Variants in IL15RA observed in about 807,000 individuals in gnomAD.
IL15RA encodes the protein interleukin 15 receptor subunit alpha, also known as interleukin-15 receptor subunit alpha.
IL15RA carries 26 observed loss-of-function variants against 24.2 expected under a neutral mutation model. That is an observed-to-expected ratio of 1.07 (90% CI 0.79 to 1.49). The LOEUF (loss-of-function observed/expected upper bound fraction) is 1.49, where lower values mean the gene tolerates loss of function less well. Among genes scored for constraint, IL15RA ranks in the 40% most tolerant of loss-of-function variants. The pLI, the probability that IL15RA is intolerant of heterozygous loss-of-function variation, is 0.00. For missense variants in IL15RA, 354 were observed against 356.4 expected (o/e 0.99, Z 0.05); for synonymous variants, 166 against 157.6 (o/e 1.05, Z -0.40).
Position 5,966,051 on chromosome 10 carries a change from C to T in IL15RA, c.283+94G>A. 2 of 904,716 alleles carry T rather than the reference C, an allele frequency of 2.2e-6. No homozygotes were observed. The highest frequency in any genetic ancestry group is 3.5e-6 in the Non-Finnish European group (2 of 576,122). 56.0% of individuals were successfully genotyped at this position (904,716 alleles called of 1,614,324 possible). ...TGGTGTGTTTAGCCTCAGACCTCAG[C>T]ACAGATCCCTTGACCCCTGAGATGG... is the stretch of plus-strand genomic sequence containing the variant. On this transcript the variant is annotated intron_variant, in intron 2 of 6. Transcript: ENST00000379977. This position sits in a 1 kb window ranked among gnomAD's most constrained non-coding sequence, Gnocchi z 6.4.
intron 1 of IL15RA, among the ~76,000 whole-genome samples, chr10:5,972,914 T>C (rs970737013): frequency 2.6e-5 from 4 of 152,118 alleles, no homozygotes; most frequent in African/African-American, 7.2e-5. Context: ...ATAAAAGGTT[T>C]GGGAAAAGAC....
chr10:5,963,029 G>A lies in IL15RA; in HGVS notation c.382+714C>T, dbSNP rs559175340. ...AATAGAGCAGTCACTGGGATGTGCT[G>A]GTGTTTAGGTCTGGTGGGGGCAGCT... On this transcript the variant is annotated intron_variant, in intron 3 of 6. Transcript: ENST00000379977. This position sits in a 1 kb window ranked among gnomAD's most constrained non-coding sequence, Gnocchi z 5.3. 6.6e-6 allele frequency among the ~76,000 whole-genome samples: 1 copy of A among 152,312 alleles called. No individual in the cohort carries two copies. The highest frequency in any genetic ancestry group is 2.4e-5 in the African/African-American group (1 of 41,566).
rs1737096750 is a variant in IL15RA at position 5,965,436 on chromosome 10, C to T, written c.283+709G>A. On this transcript the variant is annotated intron_variant, in intron 2 of 6. Transcript: ENST00000379977. The surrounding 1 kb of genome is among the most constrained non-coding windows in gnomAD (Gnocchi z 5.8). ...AGCGTGCTCATGAGTGCCCGCCCAG[C>T]TCTGCAGCCAAATTCTCCTGCCAGC... Among the ~76,000 whole-genome samples, 1 of 152,246 alleles carries T rather than the reference C, an allele frequency of 6.6e-6. No individual in the cohort carries two copies.
chr10:5,952,969 G>C lies in IL15RA; in HGVS notation c.*126C>G, dbSNP rs1468203184. The C allele has an allele frequency of 1.4e-6, 1 of 725,678 alleles. No homozygotes were observed. Among genetic ancestry groups the C allele is most frequent in the East Asian group, 2.5e-5 (1 of 40,354 alleles). 45.0% of individuals were successfully genotyped at this position (725,678 alleles called of 1,614,324 possible). A position where few individuals can be genotyped will look rare whatever the true frequency, so the allele number is the denominator to read the frequency against. On this transcript the variant is annotated 3_prime_UTR_variant, in exon 7 of 7. Coordinates refer to ENST00000379977, the MANE Select transcript of IL15RA (RefSeq NM_002189.4). ...CCCGGCAGTCCGTGAGATCCTGCTG[G>C]GACTTCTGAGAGGCCTGGTGAGCTT...
In IL15RA at chr10:5,977,530, C is replaced by G; in HGVS notation, c.-38G>C. ...ACAGGACACCGCTGGACTCCCCGGG[C>G]GAGCGCTGCCCAGGCCGGGGGGAGG... On this transcript the variant is annotated 5_prime_UTR_variant, in exon 1 of 7. Transcript: ENST00000379977. The G allele has an allele frequency of 1.5e-6, 2 of 1,306,624 alleles. No individual in the cohort carries two copies. The highest frequency in any genetic ancestry group is 1.9e-6 in the Non-Finnish European group (2 of 1,027,752). 80.9% of individuals were successfully genotyped at this position (1,306,624 alleles called of 1,614,324 possible).
downstream of IL15RA, among the ~76,000 whole-genome samples, chr10:5,950,416 A>G (rs1188536207): frequency 6.6e-6 from 1 of 152,196 alleles, no homozygotes; most frequent in Non-Finnish European, 1.5e-5. This position sits in a 1 kb window ranked among gnomAD's most constrained non-coding sequence, Gnocchi z 5.6. Flanking sequence ...ATAAAAATAA[A>G]AAAGGACGGA....
downstream of IL15RA, among the ~76,000 whole-genome samples, chr10:5,951,210 A>T (rs1833855289): frequency 6.8e-6 from 1 of 147,522 alleles, no homozygotes; most frequent in South Asian, 2.2e-4. Flanking sequence ...CTGTGCCTGT[A>T]GTCCCAGCTA....
At chr10:5,954,789 CAAATTCAGCATTTTATATTGG>C (rs1173725411) in intron 6 of IL15RA, among the ~76,000 whole-genome samples, 1 of 151,998 alleles carries the variant, frequency 6.6e-6, no homozygotes, top group Non-Finnish European at 1.5e-5. Context: ...AATATAACTC[CAAATTCAGCATTTTATATTGG>C]AAATTCTGTA....
chr10:5,951,217 G>T (rs1011429621), downstream of IL15RA, among the ~76,000 whole-genome samples: 3 of 147,906 alleles, frequency 2.0e-5, no homozygotes, highest in Non-Finnish European at 4.4e-5. Flanking sequence ...TGTAGTCCCA[G>T]CTACTCCAGA....
chr10:5,956,547 C>G (rs919981109), intron 5 of IL15RA, 93 bp from the exon 6 acceptor site: 7 of 896,084 alleles, frequency 7.8e-6, no homozygotes, highest in Non-Finnish European at 9.2e-6. Flanking sequence ...ACAGAGGGAT[C>G]CAAGTGCCTC....
rs8177788 is a variant in IL15RA at position 5,952,878 on chromosome 10, C to T, written c.*217G>A. The T allele has an allele frequency of 6.9e-3, 4,118 of 601,122 alleles. 32 individuals carry two copies. The highest frequency in any genetic ancestry group is 0.011 in the Non-Finnish European group (3,562 of 338,132). 37.2% of individuals were successfully genotyped at this position (601,122 alleles called of 1,614,324 possible). On this transcript the variant is annotated 3_prime_UTR_variant, in exon 7 of 7. Transcript: ENST00000379977. ...GAAGCTGGGCCCTGGGTCCAAGGCA[C>T]GACAGGCAGGCAGGTGGTGCCCATG...
downstream of IL15RA, among the ~76,000 whole-genome samples, chr10:5,951,693 C>G (rs568578704): frequency 2.0e-5 from 3 of 152,140 alleles, no homozygotes; most frequent in South Asian, 6.2e-4. Context: ...CAGGGTGTGG[C>G]GGCACATGCC....
rs1325351753 is a variant in IL15RA, at chr10:5,967,015, C to A, written c.89-676G>T. Among the ~76,000 whole-genome samples, 1 of 151,806 alleles carries A rather than the reference C, an allele frequency of 6.6e-6. No homozygotes were observed. Among genetic ancestry groups the A allele is most frequent in the African/African-American group, 2.4e-5 (1 of 41,324 alleles). ...CTGCCCGCCTCGGCCTCCCAAAGTGCTGGGATTACAGGTGTGAGCCACCAT... is the reference window on the plus strand; with the variant it reads ...CTGCCCGCCTCGGCCTCCCAAAGTGATGGGATTACAGGTGTGAGCCACCAT... On this transcript the variant is annotated intron_variant, in intron 1 of 6. Transcript: ENST00000379977. The surrounding 1 kb of genome is among the most constrained non-coding windows in gnomAD (Gnocchi z 4.4).
chr10:5,953,265 A>G lies in IL15RA; in HGVS notation c.693-59T>C. 2.4e-6 allele frequency: 3 copies of G among 1,241,422 alleles called. No individual in the cohort carries two copies. Among genetic ancestry groups the G allele is most frequent in the South Asian group, 1.2e-5 (1 of 83,100 alleles). The allele number at this position is 1,241,422 out of a possible 1,614,324, so 76.9% of individuals were successfully genotyped here. A position where few individuals can be genotyped will look rare whatever the true frequency, so the allele number is the denominator to read the frequency against. ...AGGAGGGGGTTGCCCTCAAATCAAC[A>G]GACGCTTCCCACTGAGCATGTATGT... On this transcript the variant is annotated intron_variant, in intron 6 of 6. Transcript: ENST00000379977. The surrounding 1 kb of genome is among the most constrained non-coding windows in gnomAD (Gnocchi z 5.3).
upstream of IL15RA, chr10:5,978,058 G>T (rs959766582): frequency 6.5e-6 from 1 of 153,294 alleles, no homozygotes; most frequent in South Asian, 2.1e-4. This position sits in a 1 kb window ranked among gnomAD's most constrained non-coding sequence, Gnocchi z 5.2. Flanking sequence ...CCGCGGTGCG[G>T]AGGCGCGGGC....
chr10:5,968,767 C>T lies in IL15RA; in HGVS notation c.89-2428G>A, dbSNP rs1837048000. On this transcript the variant is annotated intron_variant, in intron 1 of 6. Transcript: ENST00000379977. The surrounding 1 kb of genome is among the most constrained non-coding windows in gnomAD (Gnocchi z 5.4). ...CCATCCTGCCCTCCATGATAGATGGCTGTGCTACCTGCTTGCTGCCTGCTT... is the reference window on the plus strand; with the variant it reads ...CCATCCTGCCCTCCATGATAGATGGTTGTGCTACCTGCTTGCTGCCTGCTT... 1.4e-6 allele frequency: 1 copy of T among 703,048 alleles called. No individual in the cohort carries two copies. 43.6% of individuals were successfully genotyped at this position (703,048 alleles called of 1,614,324 possible). A position where few individuals can be genotyped will look rare whatever the true frequency, so the allele number is the denominator to read the frequency against.
In IL15RA at chr10:5,958,300, C is replaced by T. The variant is rs1834884125; in HGVS notation, c.616+1454G>A. 2.2e-6 allele frequency: 1 copy of T among 454,278 alleles called. No individual in the cohort carries two copies. The highest frequency in any genetic ancestry group is 4.4e-6 in the Non-Finnish European group (1 of 225,732). The allele number at this position is 454,278 out of a possible 1,614,324, so 28.1% of individuals were successfully genotyped here. On this transcript the variant is annotated intron_variant, in intron 5 of 6. Coordinates refer to ENST00000379977, the MANE Select transcript of IL15RA (RefSeq NM_002189.4). This position sits in a 1 kb window ranked among gnomAD's most constrained non-coding sequence, Gnocchi z 4.3. ...CTTATCCTCTATATGTTTATTTATA[C>T]AGTCTCTCTGGAAGGATGCCTGGAA... is the stretch of plus-strand genomic sequence containing the variant.
chr10:5,977,405 C>T lies in IL15RA; in HGVS notation c.88G>A (p.Gly30Ser). The stretch of plus-strand genomic sequence containing the variant: ...GGCGCCCCTGCTCCCAGCTCCCTAC[C>T]CCGCGTCGCCGGCGGCCGGAGCAGC... ...LLLLRPPATR[G>S]ITCPPPMSVE... The change falls in exon 1 of 7, where the codon GGC becomes AGC. Residue 30 changes from glycine (G) to serine (S), a missense_variant and splice_region_variant. Physicochemically the swap from Gly to Ser is moderately conservative, Grantham distance 56. Coordinates refer to ENST00000379977, the MANE Select transcript of IL15RA (RefSeq NM_002189.4). 1 of 1,322,966 alleles carries T rather than the reference C, an allele frequency of 7.6e-7. No individual in the cohort carries two copies. The highest frequency in any genetic ancestry group is 9.7e-7 in the Non-Finnish European group (1 of 1,032,996). The allele number at this position is 1,322,966 out of a possible 1,614,324, so 82.0% of individuals were successfully genotyped here.
At chr10:5,972,476 A>G (rs925525564) in intron 1 of IL15RA, among the ~76,000 whole-genome samples, 2 of 152,256 alleles carry the variant, frequency 1.3e-5, no homozygotes, top group African/African-American at 4.8e-5. Flanking sequence ...AAGTCATGAA[A>G]ACATTGCCAG....
Sources: allele counts gnomAD v4.1 joint callset (sites outside exome capture counted in the v4.1 genomes callset), GRCh38; gene constraint gnomAD v4.1.1; non-coding constraint Gnocchi (gnomAD v3.1); transcripts MANE v1.5; gene names NCBI Gene and HGNC (gene_info 2026-07-23, HGNC 2026-07-21).